ERBB4: variants seen among roughly 807,000 people sequenced by gnomAD.
ERBB4 encodes the protein receptor tyrosine-protein kinase erbB-4.
A neutral mutation model predicts 158.0 loss-of-function variants in ERBB4; 42 were observed. That is an observed-to-expected ratio of 0.27 (90% CI 0.21 to 0.34). The LOEUF (loss-of-function observed/expected upper bound fraction) is 0.34. Among genes scored for constraint, ERBB4 ranks in the 10% least tolerant of loss-of-function variants. The pLI is 1.00. For missense variants in ERBB4, 1,333 were observed against 1,624.1 expected, an observed-to-expected ratio of 0.82 and a Z score of 3.08; for synonymous variants, 583 against 558.7, an observed-to-expected ratio of 1.04 and a Z score of -0.61.
intron 1 of ERBB4, among the ~76,000 whole-genome samples, chr2:212,236,621 T>C (rs2083886652): frequency 6.6e-6 from 1 of 152,222 alleles, no homozygotes; most frequent in Non-Finnish European, 1.5e-5. Flanking sequence ...TGGTAGGCTA[T>C]TAATTACTGC....
intron 1 of ERBB4, among the ~76,000 whole-genome samples, chr2:212,134,917 A>T (rs1036371374): frequency 6.6e-6 from 1 of 151,770 alleles, no homozygotes; most frequent in Non-Finnish European, 1.5e-5. Flanking sequence ...CGATCTCCTG[A>T]CCTCGTGATC....
intron 1 of ERBB4, among the ~76,000 whole-genome samples, chr2:212,164,265 T>C (rs7604760): frequency 0.58 from 88,471 of 151,446 alleles, 26,832 homozygotes; most frequent in Non-Finnish European, 0.64. Context: ...AAGATATACA[T>C]ATATCAGATT....
intron 1 of ERBB4, among the ~76,000 whole-genome samples, chr2:212,343,366 G>T (rs1320297454): frequency 6.6e-6 from 1 of 152,118 alleles, no homozygotes; most frequent in Admixed American, 6.6e-5. Flanking sequence ...TCACAGTCCA[G>T]AGTATTCAGG....
intron 23 of ERBB4, among the ~76,000 whole-genome samples, chr2:211,422,500 A>C (rs2063535045): frequency 6.6e-6 from 1 of 151,770 alleles, no homozygotes; most frequent in African/African-American, 2.4e-5. Flanking sequence ...AAAAAAAAAA[A>C]AAAAAAACTA....
chr2:212,366,679 G>A (rs1000246769), intron 1 of ERBB4, among the ~76,000 whole-genome samples: 1 of 151,828 alleles, frequency 6.6e-6, no homozygotes, highest in African/African-American at 2.4e-5. Flanking sequence ...ATAACTTAGA[G>A]CACTTGATAC....
intron 25 of ERBB4, among the ~76,000 whole-genome samples, chr2:211,404,593 A>G (rs1314601415): frequency 2.0e-5 from 3 of 152,028 alleles, no homozygotes; most frequent in Non-Finnish European, 1.5e-5. Context: ...TAACTTTGTT[A>G]AAACACTTTT....
intron 4 of ERBB4, among the ~76,000 whole-genome samples, chr2:211,785,102 T>TA (rs2076127443): frequency 6.9e-6 from 1 of 145,382 alleles, no homozygotes; most frequent in South Asian, 2.5e-4. Flanking sequence ...CCTTTTTTTT[T>TA]TTTTTTTTTT....
At chr2:211,745,716 A>G (rs1253615832) in intron 5 of ERBB4, among the ~76,000 whole-genome samples, 1 of 104,278 alleles carries the variant, frequency 9.6e-6, no homozygotes, top group African/African-American at 3.3e-5. Flanking sequence ...CCACCGCCAG[A>G]AAAAAAACAA....
At chr2:212,052,790 C>G (rs977568522) in intron 2 of ERBB4, among the ~76,000 whole-genome samples, 1 of 152,170 alleles carries the variant, frequency 6.6e-6, no homozygotes, top group African/African-American at 2.4e-5. Flanking sequence ...GTACCCCTCC[C>G]TAATTTCTTT....
intron 12 of ERBB4, among the ~76,000 whole-genome samples, chr2:211,690,555 G>A (rs375686359): frequency 7.2e-4 from 110 of 152,190 alleles, no homozygotes; most frequent in African/African-American, 2.1e-3. Flanking sequence ...ACAGGAAACC[G>A]TCATAACTAT....
At chr2:211,495,214 A>C (rs980499093) in intron 20 of ERBB4, among the ~76,000 whole-genome samples, 5 of 152,092 alleles carry the variant, frequency 3.3e-5, no homozygotes, top group Admixed American at 3.3e-4. Context: ...TTAATATAAC[A>C]ATACATTGAA....
At chr2:211,594,311 C>T (rs781302842) in intron 19 of ERBB4, among the ~76,000 whole-genome samples, 1 of 152,012 alleles carries the variant, frequency 6.6e-6, no homozygotes, top group Non-Finnish European at 1.5e-5. Context: ...TGGAAGCGTG[C>T]ACCTGTAGTC....
chr2:212,281,641 G>A (rs1022520126), intron 1 of ERBB4, among the ~76,000 whole-genome samples: 5 of 151,798 alleles, frequency 3.3e-5, no homozygotes, highest in Admixed American at 1.3e-4. Context: ...AATAGCTGAA[G>A]TGTATTGTTT....
At chr2:211,482,268 G>C (rs1242556124) in intron 20 of ERBB4, among the ~76,000 whole-genome samples, 1 of 152,156 alleles carries the variant, frequency 6.6e-6, no homozygotes, top group Non-Finnish European at 1.5e-5. Context: ...AAAAGTGCTT[G>C]ATTTTCACAT....
chr2:212,121,747 G>C (rs2079757152), intron 2 of ERBB4, among the ~76,000 whole-genome samples: 1 of 151,804 alleles, frequency 6.6e-6, no homozygotes. Context: ...TATTTGCAAT[G>C]TATATTCCTA....
chr2:211,510,296 C>T (rs532870398), intron 20 of ERBB4, among the ~76,000 whole-genome samples: 76 of 152,094 alleles, frequency 5.0e-4, no homozygotes, highest in Middle Eastern at 6.8e-3. Context: ...AAATAATAAA[C>T]ACGGGGCACT....
In ERBB4 at chr2:211,822,035, A is replaced by G. The variant is rs143473834; in HGVS notation, c.422-33876T>C. 4.1e-3 allele frequency among the ~76,000 whole-genome samples: 622 copies of G among 152,110 alleles called. 7 individuals carry two copies. The highest frequency in any genetic ancestry group is 0.014 in the African/African-American group (586 of 41,528). ...AAATTGGAGAACATCAGGTTAAATG[A>G]AATAAGCCAGAAACAGAAAGTTAAA... On this transcript the variant is annotated intron_variant, in intron 3 of 27. Coordinates refer to ENST00000342788, the MANE Select transcript of ERBB4 (RefSeq NM_005235.3).
chr2:211,936,980 T>A lies in ERBB4; in HGVS notation c.421+10450A>T, dbSNP rs568433566. ...TTTTATATGCTTCCACAGTACACAGTTTCACCATTACAATAGCTATGTTAT... is the reference window on the plus strand; with the variant it reads ...TTTTATATGCTTCCACAGTACACAGATTCACCATTACAATAGCTATGTTAT... On this transcript the variant is annotated intron_variant, in intron 3 of 27. Transcript: ENST00000342788. 2.6e-5 allele frequency among the ~76,000 whole-genome samples: 4 copies of A among 152,306 alleles called. No individual in the cohort carries two copies. In the East Asian group the frequency reaches 7.7e-4, roughly 29 times the overall value.
At chr2:211,701,302 G>T (rs1006693696) in intron 12 of ERBB4, among the ~76,000 whole-genome samples, 1 of 152,066 alleles carries the variant, frequency 6.6e-6, no homozygotes, top group South Asian at 2.1e-4. Context: ...ATTCTGTTAT[G>T]AAACTCCCTG....
Sources: gnomAD v4.1 joint callset for allele counts (sites outside exome capture counted in the v4.1 genomes callset) on GRCh38, gnomAD v4.1.1 for gene constraint, MANE v1.5 for transcripts, NCBI Gene and HGNC (gene_info 2026-07-23, HGNC 2026-07-21) for gene names.